Variants in ERC1 observed in about 807,000 individuals in gnomAD.
ERC1 encodes the protein ELKS/RAB6-interacting/CAST family member 1.
In ERC1, 56 loss-of-function variants were observed where a neutral mutation model predicts 132.0. The ratio of observed to expected loss-of-function variants is 0.42; its 90% CI spans 0.34 to 0.53. The LOEUF (loss-of-function observed/expected upper bound fraction) is 0.53, where lower values mean the gene tolerates loss of function less well. ERC1 is among the 20% of genes least tolerant of loss of function. The pLI is 0.03. For synonymous variants in ERC1, 478 were observed against 476.1 expected (o/e 1.00, Z -0.05); for missense variants, 1,202 against 1,349.9 (o/e 0.89, Z 1.72).
upstream of ERC1, chr12:991,134 C>T (rs1592517540): frequency 2.0e-5 from 3 of 151,102 alleles, no homozygotes; most frequent in African/African-American, 7.3e-5. Flanking sequence ...GGCAGCCGAG[C>T]CGGGAGCCCG....
intron 3 of ERC1, among the ~76,000 whole-genome samples, chr12:1,090,868 T>TACAGGC (rs1565941519): frequency 4.0e-4 from 3 of 7,422 alleles, no homozygotes; most frequent in Admixed American, 2.3e-3. Flanking sequence ...TTGTTGTTGT[T>TACAGGC]ATTATTATTA....
intron 15 of ERC1, among the ~76,000 whole-genome samples, chr12:1,311,190 G>T (rs973291330): frequency 6.6e-6 from 1 of 152,152 alleles, no homozygotes; most frequent in Non-Finnish European, 1.5e-5. Context: ...ATACACCAGG[G>T]TTTGAATTCT....
rs1172269593 is a variant in ERC1 at position 1,196,976 on chromosome 12, A to AT, written c.2351+6946dup. 2.4e-3 allele frequency among the ~76,000 whole-genome samples: 177 copies of AT among 73,300 alleles called. 10 individuals carry two copies. The highest frequency in any genetic ancestry group is 3.7e-3 in the South Asian group (6 of 1,642). 48.1% of individuals were successfully genotyped at this position (73,300 alleles called of 152,430 possible). ...CACACACACACATATATATATATATATTTTTTTTTTTTTTTTTTTTTTAAG... is the reference window on the plus strand; with the variant it reads ...CACACACACACATATATATATATATATTTTTTTTTTTTTTTTTTTTTTTAAG... On this transcript the variant is annotated intron_variant, in intron 12 of 18. Transcript: ENST00000360905.
At chr12:1,146,246 T>G (rs112753734) in intron 8 of ERC1, among the ~76,000 whole-genome samples, 1 of 151,480 alleles carries the variant, frequency 6.6e-6, no homozygotes, top group South Asian at 2.1e-4. Flanking sequence ...TGTGATTTCT[T>G]TCAGCAGTTT....
chr12:1,025,127 C>A (rs1027512689), intron 1 of ERC1, among the ~76,000 whole-genome samples: 1 of 152,032 alleles, frequency 6.6e-6, no homozygotes, highest in Non-Finnish European at 1.5e-5. Flanking sequence ...CCAGCAGATA[C>A]CAAGGGACAA....
At position 1,494,102 on chromosome 12, in the gene ERC1, T is replaced by A. The variant is rs2094341991; in HGVS notation, c.*3872T>A. The A allele has an allele frequency of 4.3e-6, 1 of 231,994 alleles. No homozygotes were observed. The highest frequency in any genetic ancestry group is 1.8e-4 in the South Asian group (1 of 5,498). The allele number at this position is 231,994 out of a possible 1,614,324, so 14.4% of individuals were successfully genotyped here. A position where few individuals can be genotyped will look rare whatever the true frequency, so the allele number is the denominator to read the frequency against. On this transcript the variant is annotated 3_prime_UTR_variant, in exon 19 of 19. Coordinates refer to ENST00000360905, the MANE Select transcript of ERC1 (RefSeq NM_178040.4). ...GAAAGAGCCAAGCAGAGAAGACCGC[T>A]GCGTGGAGTGTGACACCACATGGCA...
At chr12:1,083,021 A>G in intron 2 of ERC1, 143 bp from the exon 3 acceptor site, 2 of 663,260 alleles carry the variant, frequency 3.0e-6, no homozygotes, top group Non-Finnish European at 2.6e-6. Context: ...TCATTTTTTA[A>G]GGACCTGTAA....
chr12:1,432,769 T>C (rs1395968366), intron 17 of ERC1, among the ~76,000 whole-genome samples: 1 of 152,242 alleles, frequency 6.6e-6, no homozygotes, highest in Non-Finnish European at 1.5e-5. Context: ...TCTTCACCAC[T>C]GTATCACTCT....
intron 8 of ERC1, among the ~76,000 whole-genome samples, chr12:1,163,880 T>A (rs1478842742): frequency 6.6e-6 from 1 of 152,100 alleles, no homozygotes; most frequent in African/African-American, 2.4e-5. Context: ...CACACCTGGC[T>A]AATTTTTTTA....
At chr12:1,032,959 A>G (rs1968340775) in intron 2 of ERC1, among the ~76,000 whole-genome samples, 1 of 151,764 alleles carries the variant, frequency 6.6e-6, no homozygotes, top group Non-Finnish European at 1.5e-5. Flanking sequence ...TGCAACCTCC[A>G]TCTCCAGGGT....
chr12:1,137,065 TTTTTTC>T (rs377373664), intron 7 of ERC1, among the ~76,000 whole-genome samples: 531 of 151,708 alleles, frequency 3.5e-3, no homozygotes, highest in Non-Finnish European at 5.5e-3. Flanking sequence ...TCACCAGTTC[TTTTTTC>T]TTTTTCTTTT....
At chr12:1,470,598 A>C (rs2093841311) in intron 18 of ERC1, among the ~76,000 whole-genome samples, 1 of 152,030 alleles carries the variant, frequency 6.6e-6, no homozygotes, top group Non-Finnish European at 1.5e-5. Context: ...GTAAGGAGGG[A>C]AATTTTTCTC....
intron 13 of ERC1, among the ~76,000 whole-genome samples, chr12:1,248,731 A>C (rs777608413): frequency 2.6e-5 from 4 of 152,188 alleles, no homozygotes; most frequent in Non-Finnish European, 5.9e-5. Context: ...GTCATACAAA[A>C]GTGTTTGCTC....
intron 18 of ERC1, among the ~76,000 whole-genome samples, chr12:1,445,445 G>C (rs978821554): frequency 3.9e-5 from 6 of 151,918 alleles, no homozygotes; most frequent in Non-Finnish European, 8.8e-5. Flanking sequence ...TGGCGAGGCT[G>C]GTCTCGAACT....
chr12:1,444,829 T>G, intron 18 of ERC1, 79 bp downstream of exon 18: 1 of 1,339,340 alleles, frequency 7.5e-7, no homozygotes, highest in African/African-American at 1.6e-5. Context: ...GGGGCTACCT[T>G]GGGGAATCCA....
intron 18 of ERC1, among the ~76,000 whole-genome samples, chr12:1,454,949 G>A (rs1488929255): frequency 6.6e-6 from 1 of 152,144 alleles, no homozygotes; most frequent in East Asian, 1.9e-4. Flanking sequence ...GTGATTCTTA[G>A]ACCATTTTTT....
chr12:1,281,731 A>T (rs2154336664), intron 14 of ERC1, among the ~76,000 whole-genome samples: 1 of 152,346 alleles, frequency 6.6e-6, no homozygotes, highest in South Asian at 2.1e-4. Context: ...AATAGAAAAA[A>T]TGAAATAATA....
At chr12:1,384,397 T>C (rs901586720) in intron 16 of ERC1, among the ~76,000 whole-genome samples, 2 of 152,228 alleles carry the variant, frequency 1.3e-5, no homozygotes, top group African/African-American at 4.8e-5. Context: ...AAAATCTGTG[T>C]GCTCATAACC....
At chr12:1,402,016 G>A (rs1182439859) in intron 16 of ERC1, among the ~76,000 whole-genome samples, 4 of 152,054 alleles carry the variant, frequency 2.6e-5, no homozygotes, top group Non-Finnish European at 4.4e-5. Context: ...GACCATAGGG[G>A]AAATTCAGAA....
Sources: allele counts gnomAD v4.1 joint callset (sites outside exome capture counted in the v4.1 genomes callset), GRCh38; gene constraint gnomAD v4.1.1; transcripts MANE v1.5; gene names NCBI Gene and HGNC (gene_info 2026-07-23, HGNC 2026-07-21).